RANBP2: variants seen among roughly 807,000 people sequenced by gnomAD.
The protein encoded by RANBP2 is E3 SUMO-protein ligase RanBP2.
Under a neutral mutation model 303.6 loss-of-function variants are expected in RANBP2, and 57 were observed. The ratio of observed to expected loss-of-function variants is 0.19; its 90% CI spans 0.15 to 0.23. RANBP2 has a LOEUF of 0.23. Among genes scored for constraint, RANBP2 ranks in the 10% least tolerant of loss-of-function variants. RANBP2 has a pLI of 1.00. For missense variants in RANBP2, 3,138 were observed against 3,780.8 expected (o/e 0.83, Z 4.46); for synonymous variants, 1,167 against 1,301.5 (o/e 0.90, Z 2.23).
chr2:109,573,552 G>A, the RANBP2 span, among the ~76,000 whole-genome samples: 1 of 152,150 alleles, frequency 6.6e-6, no homozygotes, highest in Non-Finnish European at 1.5e-5. Flanking sequence ...TAAATCGACC[G>A]ATGTGCCAAA....
the RANBP2 span, among the ~76,000 whole-genome samples, chr2:109,407,168 C>T: frequency 6.9e-6 from 1 of 143,914 alleles, no homozygotes; most frequent in African/African-American, 2.4e-5. Flanking sequence ...CAGCCAGGAC[C>T]AGCACCTTCA....
At chr2:108,779,053 C>T (rs1362931207) in intron 25 of RANBP2, among the ~76,000 whole-genome samples, 1 of 151,874 alleles carries the variant, frequency 6.6e-6, no homozygotes, top group Non-Finnish European at 1.5e-5. Flanking sequence ...TTTGAGCCCC[C>T]AAGTTGGTAT....
At chr2:109,054,186 C>T in the RANBP2 span, among the ~76,000 whole-genome samples, 2 of 152,142 alleles carry the variant, frequency 1.3e-5, no homozygotes, top group Non-Finnish European at 2.9e-5. Flanking sequence ...AGGGTAAAAA[C>T]CCCTTCCCTC....
chr2:109,051,787 C>T, the RANBP2 span, among the ~76,000 whole-genome samples: 15 of 150,198 alleles, frequency 1.0e-4, no homozygotes, highest in East Asian at 3.9e-4. Flanking sequence ...CTCGCTCTGT[C>T]GCCCAGGCTG....
the RANBP2 span, among the ~76,000 whole-genome samples, chr2:109,627,538 A>C: frequency 6.6e-6 from 1 of 152,368 alleles, no homozygotes; most frequent in Admixed American, 6.5e-5. Context: ...GCCTGAGGAA[A>C]GCACATACAT....
At chr2:109,454,198 C>G in the RANBP2 span, among the ~76,000 whole-genome samples, 1 of 152,214 alleles carries the variant, frequency 6.6e-6, no homozygotes, top group African/African-American at 2.4e-5. Flanking sequence ...GAAATACTTA[C>G]AACAATTACA....
the RANBP2 span, among the ~76,000 whole-genome samples, chr2:109,466,058 T>G: frequency 6.8e-6 from 1 of 147,792 alleles, no homozygotes; most frequent in Non-Finnish European, 1.5e-5. Context: ...TATGCTTATC[T>G]GCTACCTGTA....
chr2:109,630,219 G>A, the RANBP2 span, among the ~76,000 whole-genome samples: 1 of 152,108 alleles, frequency 6.6e-6, no homozygotes. Context: ...ATGATGTTCT[G>A]ACATCTTAAA....
the RANBP2 span, among the ~76,000 whole-genome samples, chr2:109,451,084 C>A: frequency 1.3e-5 from 2 of 152,230 alleles, no homozygotes; most frequent in Non-Finnish European, 2.9e-5. Context: ...TTCCGCAGGG[C>A]CTCAGCACCT....
At chr2:109,660,079 A>T in the RANBP2 span, among the ~76,000 whole-genome samples, 1 of 152,220 alleles carries the variant, frequency 6.6e-6, no homozygotes, top group African/African-American at 2.4e-5. Context: ...ATCAAAAGGA[A>T]AACCCCACTT....
chr2:109,503,780 C>G, the RANBP2 span: 1 of 152,150 alleles, frequency 6.6e-6, no homozygotes, highest in Admixed American at 6.5e-5. Context: ...ATAGAGTAAC[C>G]TGAACGTTCT....
At chr2:109,544,818 C>CAACT in the RANBP2 span, 2 of 749,534 alleles carry the variant, frequency 2.7e-6, no homozygotes, top group South Asian at 1.2e-4. Flanking sequence ...ATGTACCAGA[C>CAACT]AACTGCTCTA....
At chr2:109,341,624 T>C in the RANBP2 span, among the ~76,000 whole-genome samples, 1 of 152,186 alleles carries the variant, frequency 6.6e-6, no homozygotes, top group African/African-American at 2.4e-5. Flanking sequence ...TACTTCATGG[T>C]ATGGGGGTGT....
the RANBP2 span, chr2:109,615,024 C>T: frequency 4.3e-5 from 67 of 1,546,898 alleles, no homozygotes; most frequent in Non-Finnish European, 5.6e-5. Context: ...CCTGGAGCTC[C>T]CGCCACATGG....
the RANBP2 span, among the ~76,000 whole-genome samples, chr2:109,290,917 G>A: frequency 3.9e-5 from 6 of 152,320 alleles, no homozygotes; most frequent in South Asian, 2.1e-4. Context: ...TGGTAAATTC[G>A]TTGAGAATAG....
At chr2:108,752,115 G>A in intron 12 of RANBP2, 121 bp downstream of exon 12, 6 of 1,555,130 alleles carry the variant, frequency 3.9e-6, no homozygotes, top group Non-Finnish European at 4.3e-6. Flanking sequence ...TGACAGATGT[G>A]TTTTTTATTG....
At chr2:108,962,370 G>C in the RANBP2 span, among the ~76,000 whole-genome samples, 11 of 152,120 alleles carry the variant, frequency 7.2e-5, no homozygotes, top group Non-Finnish European at 2.9e-5. Context: ...TAGCCAATAA[G>C]TGATGAAAAA....
the RANBP2 span, chr2:109,419,540 A>T: frequency 6.3e-7 from 1 of 1,592,590 alleles, no homozygotes. Context: ...TGTTTCCAGG[A>T]TGTCTCCTCC....
chr2:108,939,425 G>A, the RANBP2 span, among the ~76,000 whole-genome samples: 1 of 152,202 alleles, frequency 6.6e-6, no homozygotes, highest in Non-Finnish European at 1.5e-5. Flanking sequence ...GACTTCAAGT[G>A]TCTAGTGCAG....
Sources: allele counts gnomAD v4.1 joint callset (sites outside exome capture counted in the v4.1 genomes callset), GRCh38; gene constraint gnomAD v4.1.1; transcripts MANE v1.5; gene names NCBI Gene and HGNC (gene_info 2026-07-23, HGNC 2026-07-21).